Variants in PSD observed in about 807,000 individuals in gnomAD.
The protein encoded by PSD is pleckstrin and Sec7 domain containing.
In PSD, 32 loss-of-function variants were observed where a neutral mutation model predicts 91.6. The observed-to-expected ratio is 0.35, with a 90% CI of 0.26 to 0.47. PSD has a LOEUF of 0.47. Among genes scored for constraint, PSD ranks in the 20% least tolerant of loss-of-function variants. The pLI is 1.00. For synonymous variants in PSD, 532 were observed against 569.3 expected (o/e 0.93, Z 0.93); for missense variants, 1,099 against 1,373.9 (o/e 0.80, Z 3.16).
upstream of PSD, chr10:102,418,962 A>G (rs2061522384): frequency 2.9e-6 from 1 of 339,826 alleles, no homozygotes; most frequent in Non-Finnish European, 5.9e-6. Context: ...CGCCCCAGAC[A>G]AGGAGGAGGG....
Position 102,414,775 on chromosome 10 carries a change from G to A in PSD, c.1124+88C>T. On this transcript the variant is annotated intron_variant, in intron 4 of 16. Transcript: ENST00000020673. The surrounding 1 kb of genome is among the most constrained non-coding windows in gnomAD (Gnocchi z 5.6). ...AGCCCCACACCCATCTCTATCCCAG[G>A]CCCTTTGAGCCCGGCTCTGCCTGTG... The A allele has an allele frequency of 6.9e-7, 1 of 1,451,584 alleles. No homozygotes were observed. The highest frequency in any genetic ancestry group is 2.3e-5 in the Admixed American group (1 of 43,250). The allele number at this position is 1,451,584 out of a possible 1,614,324, so 89.9% of individuals were successfully genotyped here.
intron 11 of PSD, 113 bp downstream of exon 11, chr10:102,407,110 T>C: frequency 3.1e-6 from 3 of 954,370 alleles, no homozygotes; most frequent in Non-Finnish European, 4.4e-6. Flanking sequence ...TCTCATGGCC[T>C]CTCACTCCCC....
Position 102,413,984 on chromosome 10 carries a change from G to A in PSD, c.1338C>T (p.Pro446=). The change falls in exon 5 of 17, where the codon CCC becomes CCT. Residue 446 remains proline (P), a synonymous_variant. Transcript: ENST00000020673. ...QSPFFTFELP[P]QPPAPRPDPP... is the part of the protein sequence containing the mutation. ...GGTCGGGCCGGGGTGCAGGGGGTTG[G>A]GGAGGCAGCTCAAAGGTGAAGAAGG... 2 of 1,613,954 alleles carry A rather than the reference G, an allele frequency of 1.2e-6. No individual in the cohort carries two copies. Among genetic ancestry groups the A allele is most frequent in the Non-Finnish European group, 1.7e-6 (2 of 1,179,854 alleles).
chr10:102,404,075 GCGGT>G lies in PSD; in HGVS notation c.2701-94_2701-91del. 4 of 1,427,202 alleles carry G rather than the reference GCGGT, an allele frequency of 2.8e-6. No homozygotes were observed. Among genetic ancestry groups the G allele is most frequent in the South Asian group, 2.9e-5 (2 of 69,752 alleles). 88.4% of individuals were successfully genotyped at this position (1,427,202 alleles called of 1,614,324 possible). On this transcript the variant is annotated intron_variant, in intron 15 of 16. Transcript: ENST00000020673. This position sits in a 1 kb window ranked among gnomAD's most constrained non-coding sequence, Gnocchi z 5.7. ...AAAAAGATACCCCTTCCAGCCGGGC[GCGGT>G]GGCTCACGCCTGTAATCCCAGCACT...
chr10:102,414,965 G>A lies in PSD; in HGVS notation c.1022C>T (p.Pro341Leu), dbSNP rs142774221. The A allele has an allele frequency of 4.7e-5, 74 of 1,580,846 alleles. No homozygotes were observed. The African/African-American group carries it at 8.2e-4, about 17-fold the overall frequency. Residue 341 changes from proline to leucine, a missense_variant, in exon 4 of 17, where the codon CCT becomes CTT. Coordinates refer to ENST00000020673, the MANE Select transcript of PSD (RefSeq NM_002779.5). The surrounding 1 kb of genome is among the most constrained non-coding windows in gnomAD (Gnocchi z 5.6). ...ATTGCCACTGCCGAGGCTGGGATGA[G>A]GGCCAGGGAGTGGGCCGGGCCGTGG... The part of the protein sequence containing the change: ...PAPRPGPLPG[P>L]HPSLGSGNED...
In PSD at chr10:102,405,422, A is replaced by G. The variant is rs376765990; in HGVS notation, c.2250T>C (p.Thr750=). The change falls in exon 12 of 17, where the codon ACT becomes ACC. Residue 750 remains threonine, a synonymous_variant. Coordinates refer to ENST00000020673, the MANE Select transcript of PSD (RefSeq NM_002779.5). This position sits in a 1 kb window ranked among gnomAD's most constrained non-coding sequence, Gnocchi z 5.4. ...GSGSSPFLDL[T]PEPGAAVYKH... ...TGTAGACGGCAGCCCCAGGCTCGGGAGTCAGGTCCAGGAAAGGGCTGGAGC... is the reference window on the plus strand; with the variant it reads ...TGTAGACGGCAGCCCCAGGCTCGGGGGTCAGGTCCAGGAAAGGGCTGGAGC... The G allele has an allele frequency of 4.2e-5, 68 of 1,613,230 alleles. No individual in the cohort carries two copies. The Middle Eastern group carries it at 1.5e-3, about 35-fold the overall frequency.
At position 102,404,134 on chromosome 10, in the gene PSD, G is replaced by T. The variant is rs1260098786; in HGVS notation, c.2701-149C>A. 8 of 950,980 alleles carry T rather than the reference G, an allele frequency of 8.4e-6. No individual in the cohort carries two copies. Among genetic ancestry groups the T allele is most frequent in the Non-Finnish European group, 1.2e-5 (8 of 670,436 alleles). The allele number at this position is 950,980 out of a possible 1,614,324, so 58.9% of individuals were successfully genotyped here. A position where few individuals can be genotyped will look rare whatever the true frequency, so the allele number is the denominator to read the frequency against. The stretch of plus-strand genomic sequence containing the variant: ...GAGGCCAAGGCGGGCGGATCACGAG[G>T]TCAGGAGATCGAGACCATCCTGGCT... On this transcript the variant is annotated intron_variant, in intron 15 of 16. Coordinates refer to ENST00000020673, the MANE Select transcript of PSD (RefSeq NM_002779.5). The surrounding 1 kb of genome is among the most constrained non-coding windows in gnomAD (Gnocchi z 5.7).
Position 102,404,731 on chromosome 10 carries a change from G to A in PSD, c.2556-4C>T, listed in dbSNP as rs41287460. On this transcript the variant is annotated splice_polypyrimidine_tract_variant and splice_region_variant and intron_variant, in intron 14 of 16. Coordinates refer to ENST00000020673, the MANE Select transcript of PSD (RefSeq NM_002779.5). This position sits in a 1 kb window ranked among gnomAD's most constrained non-coding sequence, Gnocchi z 5.7. The stretch of plus-strand genomic sequence containing the variant: ...GGACTGCATCTGCTCCAGGCTCCTG[G>A]GGAGAAAGCACAGCCCTTTGGGACC... The A allele has an allele frequency of 0.064, 100,460 of 1,567,072 alleles. 3,895 individuals carry two copies. Among genetic ancestry groups the A allele is most frequent in the African/African-American group, 0.16 (12,046 of 73,896 alleles).
Position 102,416,666 on chromosome 10 carries a change from G to A in PSD, c.373C>T (p.Arg125Trp), listed in dbSNP as rs150908349. 3 of 1,610,080 alleles carry A rather than the reference G, an allele frequency of 1.9e-6. No individual in the cohort carries two copies. Among genetic ancestry groups the A allele is most frequent in the African/African-American group, 1.3e-5 (1 of 74,936 alleles). Reference protein sequence around the residue: ...NGLPAPGGLSRSWDLGGVSPP... With the variant: ...NGLPAPGGLSWSWDLGGVSPP... ...GAAACCCCACCCAGATCCCAGCTCC[G>A]ACTCAAGCCCCCTGGAGCAGGTAGC... The change falls in exon 2 of 17, where the codon CGG becomes TGG. Residue 125 changes from arginine to tryptophan, a missense_variant. This residue lies in a region of PSD where 631 missense variants were observed against 728.8 expected (regional missense o/e 0.87). Transcript: ENST00000020673. The surrounding 1 kb of genome is among the most constrained non-coding windows in gnomAD (Gnocchi z 6.0).
rs1263357026 is a variant in PSD, at chr10:102,405,649, T to C, written c.2136-113A>G. On this transcript the variant is annotated intron_variant, in intron 11 of 16. Coordinates refer to ENST00000020673, the MANE Select transcript of PSD (RefSeq NM_002779.5). The surrounding 1 kb of genome is among the most constrained non-coding windows in gnomAD (Gnocchi z 5.4). ...CCCCAGTGTTTGTGGCTTGGGGGGC[T>C]CAACCTGAGGGTCCTGCCATGTCTC... is the stretch of plus-strand genomic sequence containing the variant. 6 of 988,246 alleles carry C rather than the reference T, an allele frequency of 6.1e-6. No individual in the cohort carries two copies. The highest frequency in any genetic ancestry group is 8.8e-6 in the Non-Finnish European group (6 of 682,800). The allele number at this position is 988,246 out of a possible 1,614,324, so 61.2% of individuals were successfully genotyped here.
intron 11 of PSD, chr10:102,406,271 T>TG (rs1295095076): frequency 1.3e-5 from 2 of 152,338 alleles, no homozygotes; most frequent in African/African-American, 4.8e-5. Flanking sequence ...GATCTCCCCC[T>TG]GCACCCTAAT....
chr10:102,404,549 C>T lies in PSD; in HGVS notation c.2700+34G>A. Reference sequence around the variant, plus strand: ...TGGGCCTGAGCCTAACACCCTCCATCCCACTGGCACTAGGTGGACAGAGCT... The same window carrying T: ...TGGGCCTGAGCCTAACACCCTCCATTCCACTGGCACTAGGTGGACAGAGCT... On this transcript the variant is annotated intron_variant, in intron 15 of 16. Transcript: ENST00000020673. The surrounding 1 kb of genome is among the most constrained non-coding windows in gnomAD (Gnocchi z 5.7). The T allele has an allele frequency of 1.2e-6, 2 of 1,602,654 alleles. No individual in the cohort carries two copies. Among genetic ancestry groups the T allele is most frequent in the Non-Finnish European group, 1.7e-6 (2 of 1,174,810 alleles).
rs144249036 is a variant in PSD, at chr10:102,415,210, C to T, written c.777G>A (p.Gln259=). The T allele has an allele frequency of 3.9e-4, 626 of 1,610,432 alleles. 4 individuals are homozygous for T. In the South Asian group the frequency reaches 4.2e-3, roughly 11 times the overall value. Reference sequence around the variant, plus strand: ...CCACCCCAGGTGGAGATGGGGGGGCCTGCTCTGGGGGCTTAGCACCTGTAG... The same window carrying T: ...CCACCCCAGGTGGAGATGGGGGGGCTTGCTCTGGGGGCTTAGCACCTGTAG... ...PPSSGAKPPE[Q]APPSPPGVGS... Residue 259 remains glutamine, a synonymous_variant, in exon 4 of 17, where the codon CAG becomes CAA. Transcript: ENST00000020673.
Position 102,405,360 on chromosome 10 carries a change from G to C in PSD, c.2312C>G (p.Pro771Arg). ...CGGCCACATACTCTTCCTGCAGTCA[G>C]GGTCTGCGTGCACCTTTCGCACCAG... ...GALVRKVHAD[P>R]DCRKTPRGKR... The change falls in exon 12 of 17, where the codon CCT becomes CGT. Residue 771 changes from proline to arginine, a missense_variant. Pro to Arg is a moderately radical substitution (Grantham distance 103). This residue lies in a region of PSD where 358 missense variants were observed against 426.5 expected (regional missense o/e 0.84). Transcript: ENST00000020673. This position sits in a 1 kb window ranked among gnomAD's most constrained non-coding sequence, Gnocchi z 5.4. 1 of 1,612,066 alleles carries C rather than the reference G, an allele frequency of 6.2e-7. No individual in the cohort carries two copies. The highest frequency in any genetic ancestry group is 8.5e-7 in the Non-Finnish European group (1 of 1,179,524).
intron 3 of PSD, 70 bp from the exon 4 acceptor site, chr10:102,415,299 G>T: frequency 6.7e-7 from 1 of 1,493,730 alleles, no homozygotes; most frequent in Non-Finnish European, 8.9e-7. Context: ...TCTGCTCTAG[G>T]ATCTCTGCCC....
chr10:102,416,756 C>T lies in PSD; in HGVS notation c.283G>A (p.Gly95Arg), dbSNP rs757230181. The part of the protein sequence containing the change: ...PSSPTGQPPP[G>R]AQSSVVIFRF... ...AAGATGACCACAGAGCTCTGGGCCC[C>T]GGGTGGGGGCTGCCCAGTGGGTGAA... The change falls in exon 2 of 17, where the codon GGG (glycine) becomes AGG (arginine). Residue 95 changes from glycine to arginine, a missense_variant. Coordinates refer to ENST00000020673, the MANE Select transcript of PSD (RefSeq NM_002779.5). This position sits in a 1 kb window ranked among gnomAD's most constrained non-coding sequence, Gnocchi z 6.0. 1.0e-5 allele frequency: 16 copies of T among 1,589,342 alleles called. No homozygotes were observed. The highest frequency in any genetic ancestry group is 4.5e-5 in the East Asian group (2 of 44,698).
In PSD at chr10:102,413,431, G is replaced by A. The variant is rs544847611; in HGVS notation, c.1553+338C>T. 2.6e-5 allele frequency among the ~76,000 whole-genome samples: 4 copies of A among 152,252 alleles called. No homozygotes were observed. The South Asian group carries it at 8.3e-4, about 32-fold the overall frequency. On this transcript the variant is annotated intron_variant, in intron 5 of 16. Transcript: ENST00000020673. Reference sequence around the variant, plus strand: ...GGTGAAGCCTTCAGGCTGGGTGAGGGTAAGGTCACAAGAATTCTGAGCAGG... The same window carrying A: ...GGTGAAGCCTTCAGGCTGGGTGAGGATAAGGTCACAAGAATTCTGAGCAGG...
intron 8 of PSD, 138 bp downstream of exon 8, chr10:102,411,569 T>TGCAAGTTCACATGCCTACAC: frequency 1.4e-6 from 1 of 698,240 alleles, no homozygotes; most frequent in East Asian, 2.7e-5. Context: ...TCTGCACACA[T>TGCAAGTTCACATGCCTACAC]GCAAGTTCAC....
Position 102,416,792 on chromosome 10 carries a change from A to G in PSD, c.247T>C (p.Trp83Arg). 6.3e-7 allele frequency: 1 copy of G among 1,596,514 alleles called. No homozygotes were observed. Among genetic ancestry groups the G allele is most frequent in the South Asian group, 1.1e-5 (1 of 88,306 alleles). The part of the protein sequence containing the change: ...PPSPRVAPSP[W>R]APSSPTGQPP... ...TGCCCAGTGGGTGAAGAGGGTGCCCAGGGTGAGGGAGCAACACGGGGTGAG... is the reference window on the plus strand; with the variant it reads ...TGCCCAGTGGGTGAAGAGGGTGCCCGGGGTGAGGGAGCAACACGGGGTGAG... The change falls in exon 2 of 17, where the codon TGG becomes CGG. Residue 83 changes from tryptophan to arginine, a missense_variant. Coordinates refer to ENST00000020673, the MANE Select transcript of PSD (RefSeq NM_002779.5). The surrounding 1 kb of genome is among the most constrained non-coding windows in gnomAD (Gnocchi z 6.0).
Sources: allele counts gnomAD v4.1 joint callset (sites outside exome capture counted in the v4.1 genomes callset), GRCh38; gene constraint gnomAD v4.1.1; regional missense constraint gnomAD v4.1.1; non-coding constraint Gnocchi (gnomAD v3.1); transcripts MANE v1.5; gene names NCBI Gene and HGNC (gene_info 2026-07-23, HGNC 2026-07-21).